CBR4: variants seen among roughly 807,000 people sequenced by gnomAD.
CBR4 encodes 3-oxoacyl-[acyl-carrier-protein] reductase.
A neutral mutation model predicts 21.0 loss-of-function variants in CBR4; 22 were observed. That is an observed-to-expected ratio of 1.05 (90% CI 0.75 to 1.50). The LOEUF (loss-of-function observed/expected upper bound fraction) is 1.50. Ranked by LOEUF, CBR4 falls within the 40% of genes most tolerant of loss-of-function variation. The pLI is 0.00. For synonymous variants in CBR4, 100 were observed against 104.4 expected (o/e 0.96, Z 0.26); for missense variants, 302 against 286.3 (o/e 1.05, Z -0.40).
At chr4:168,947,502 T>G (rs1175030017) in intron 2 of CBR4, among the ~76,000 whole-genome samples, 5 of 152,186 alleles carry the variant, frequency 3.3e-5, no homozygotes, top group African/African-American at 1.2e-4. Flanking sequence ...CAGTACACAC[T>G]GCACCCTATT....
At chr4:168,957,269 C>T (rs1190980866) in intron 2 of CBR4, among the ~76,000 whole-genome samples, 1 of 152,070 alleles carries the variant, frequency 6.6e-6, no homozygotes, top group Non-Finnish European at 1.5e-5. Context: ...TTTACTTACT[C>T]TTGAAGAGGC....
chr4:168,924,678 T>G (rs1304071355), intron 2 of CBR4, among the ~76,000 whole-genome samples: 2 of 152,154 alleles, frequency 1.3e-5, no homozygotes, highest in East Asian at 3.9e-4. Flanking sequence ...ATGAATTCAT[T>G]TGCTTTAGTG....
chr4:168,989,082 G>A lies in CBR4; in HGVS notation c.*1068C>T, dbSNP rs904831560. On this transcript the variant is annotated 3_prime_UTR_variant, in exon 5 of 5. Coordinates refer to ENST00000306193, the MANE Select transcript of CBR4 (RefSeq NM_032783.5). ...CTCACTTAAGACCAGTGCCTTCACT[G>A]CTTCTTGTAAAGACATTTAATTTAA... 2 of 984,300 alleles carry A rather than the reference G, an allele frequency of 2.0e-6. No individual in the cohort carries two copies. Among genetic ancestry groups the A allele is most frequent in the Non-Finnish European group, 2.4e-6 (2 of 829,020 alleles). 61.0% of individuals were successfully genotyped at this position (984,300 alleles called of 1,614,324 possible). A position where few individuals can be genotyped will look rare whatever the true frequency, so the allele number is the denominator to read the frequency against.
rs1208573536 is a variant in CBR4 at position 168,926,292 on chromosome 4, C to T, written n.170-31527G>A. 1 of 1,537,106 alleles carries T rather than the reference C, an allele frequency of 6.5e-7. No homozygotes were observed. Among genetic ancestry groups the T allele is most frequent in the Non-Finnish European group, 8.7e-7 (1 of 1,146,782 alleles). ...CCAGTCGCTATGCAGCACTTTCGGA[C>T]CAGGGACTAGACATCAAAGCAGCGT... is the stretch of plus-strand genomic sequence containing the variant. On this transcript the variant is annotated intron_variant and non_coding_transcript_variant, in intron 2 of 3. Coordinates refer to the CBR4 transcript ENST00000509108.
At chr4:168,976,985 C>T (rs1228921380) in intron 2 of CBR4, among the ~76,000 whole-genome samples, 1 of 152,236 alleles carries the variant, frequency 6.6e-6, no homozygotes, top group East Asian at 1.9e-4. Flanking sequence ...CGGAAGCCAA[C>T]TTTTCCCCCC....
At chr4:168,953,737 A>G (rs1331453023) in intron 2 of CBR4, among the ~76,000 whole-genome samples, 1 of 152,046 alleles carries the variant, frequency 6.6e-6, no homozygotes, top group Admixed American at 6.6e-5. Flanking sequence ...TCTGCTTATT[A>G]ACACTCCACT....
At position 169,006,829 on chromosome 4, in the gene CBR4, A is replaced by G. The variant is rs193155014; in HGVS notation, c.326T>C (p.Leu109Ser). 1.7e-5 allele frequency: 28 copies of G among 1,613,410 alleles called. No individual in the cohort carries two copies. In the East Asian group the frequency reaches 4.0e-4, roughly 23 times the overall value. Residue 109 changes from leucine to serine, a missense_variant, in exon 3 of 5, where the codon TTG becomes TCG. Physicochemically the swap from Leu to Ser is moderately radical, Grantham distance 145. Coordinates refer to ENST00000306193, the MANE Select transcript of CBR4 (RefSeq NM_032783.5). Reference sequence around the variant, plus strand: ...AGCTTTACAGGTCAGCATGGAACCCAAGAGGTTAGTATGAAGCTGAGATAC... The same window carrying G: ...AGCTTTACAGGTCAGCATGGAACCCGAGAGGTTAGTATGAAGCTGAGATAC... ...DMVSQLHTNL[L>S]GSMLTCKAAM...
chr4:168,974,775 T>C (rs1199719077), intron 2 of CBR4, among the ~76,000 whole-genome samples: 1 of 152,212 alleles, frequency 6.6e-6, no homozygotes, highest in African/African-American at 2.4e-5. Context: ...CTTTATGATA[T>C]CTATTTCTCT....
intron 2 of CBR4, among the ~76,000 whole-genome samples, chr4:168,968,145 C>T (rs895190913): frequency 2.0e-5 from 3 of 152,272 alleles, no homozygotes; most frequent in African/African-American, 4.8e-5. Context: ...GGTTGGTAAT[C>T]GTGAATTTAG....
At chr4:168,899,576 C>T (rs1756008229) in intron 2 of CBR4, among the ~76,000 whole-genome samples, 1 of 151,948 alleles carries the variant, frequency 6.6e-6, no homozygotes. Flanking sequence ...TGTGTTAGGC[C>T]GTTTTTGCAT....
intron 2 of CBR4, among the ~76,000 whole-genome samples, chr4:168,951,084 G>C (rs1257150866): frequency 5.3e-5 from 8 of 151,894 alleles, no homozygotes; most frequent in Non-Finnish European, 1.2e-4. Context: ...TTTTGAGATG[G>C]AGTTTCGCTC....
intron 3 of CBR4, chr4:169,005,762 G>T: frequency 1.7e-6 from 1 of 575,676 alleles, no homozygotes; most frequent in Non-Finnish European, 2.7e-6. Flanking sequence ...TGTCCAAAAT[G>T]CTCTCATGTC....
At chr4:168,898,921 T>G (rs1165342820) in intron 2 of CBR4, among the ~76,000 whole-genome samples, 1 of 152,128 alleles carries the variant, frequency 6.6e-6, no homozygotes, top group Non-Finnish European at 1.5e-5. Context: ...GAGTTTGGGT[T>G]TGAAGAATAG....
intron 4 of CBR4, among the ~76,000 whole-genome samples, chr4:168,998,004 C>T (rs1025684707): frequency 1.3e-5 from 2 of 152,198 alleles, no homozygotes; most frequent in African/African-American, 4.8e-5. Context: ...AAATCAACTT[C>T]ATTCCAAACA....
chr4:168,999,824 T>C (rs577967383), intron 4 of CBR4, among the ~76,000 whole-genome samples: 2 of 152,320 alleles, frequency 1.3e-5, no homozygotes, highest in South Asian at 4.1e-4. Context: ...TTCTTCAACA[T>C]TTCTATAGCA....
At chr4:168,928,797 T>G (rs1259255427) in intron 2 of CBR4, among the ~76,000 whole-genome samples, 1 of 152,204 alleles carries the variant, frequency 6.6e-6, no homozygotes, top group Non-Finnish European at 1.5e-5. Context: ...GGGTTAGTGG[T>G]GAGAATCTCC....
intron 2 of CBR4, among the ~76,000 whole-genome samples, chr4:168,974,411 T>C (rs1264243218): frequency 6.6e-6 from 1 of 152,232 alleles, no homozygotes; most frequent in Non-Finnish European, 1.5e-5. Context: ...TGTGAAGAAT[T>C]TTCCAGGTGT....
intron 2 of CBR4, among the ~76,000 whole-genome samples, chr4:168,971,647 ATT>A (rs1764213799): frequency 6.6e-6 from 1 of 151,782 alleles, no homozygotes; most frequent in South Asian, 2.1e-4. Context: ...TGATAGGATT[ATT>A]TGTTTTTTTC....
At chr4:168,990,557 C>T (rs1263445252) in intron 4 of CBR4, among the ~76,000 whole-genome samples, 2 of 151,990 alleles carry the variant, frequency 1.3e-5, no homozygotes, top group Non-Finnish European at 2.9e-5. Context: ...TTGCCTCAGC[C>T]TCCCAAGTAG....
Sources: gnomAD v4.1 joint callset for allele counts (sites outside exome capture counted in the v4.1 genomes callset) on GRCh38, gnomAD v4.1.1 for gene constraint, MANE v1.5 for transcripts, NCBI Gene and HGNC (gene_info 2026-07-23, HGNC 2026-07-21) for gene names.